Variants in ITGBL1 observed in about 807,000 individuals in gnomAD.
The protein encoded by ITGBL1 is integrin beta-like protein 1.
A neutral mutation model predicts 68.5 loss-of-function variants in ITGBL1; 51 were observed. That is an observed-to-expected ratio of 0.74 (90% CI 0.59 to 0.94). ITGBL1 has a LOEUF of 0.94. ITGBL1 is among the 40% of genes least tolerant of loss of function. The pLI is 0.00. For synonymous variants in ITGBL1, 209 were observed against 227.3 expected (o/e 0.92, Z 0.72); for missense variants, 649 against 647.4 (o/e 1.00, Z -0.03).
chr13:101,546,121 G>A (rs1003166895), intron 2 of ITGBL1, among the ~76,000 whole-genome samples: 2 of 152,166 alleles, frequency 1.3e-5, no homozygotes, highest in African/African-American at 4.8e-5. Context: ...AGTTCATGTA[G>A]TATGATTCCT....
rs1421221252 is a variant in ITGBL1 at position 101,600,058 on chromosome 13, C to A, written c.1015+1759C>A. ...GGCCATTTTCACGATATTGATTCTTCCTATCCATGAGCATGGAATGTTCTT... is the reference window on the plus strand; with the variant it reads ...GGCCATTTTCACGATATTGATTCTTACTATCCATGAGCATGGAATGTTCTT... On this transcript the variant is annotated intron_variant, in intron 7 of 10. Coordinates refer to ENST00000376180, the MANE Select transcript of ITGBL1 (RefSeq NM_004791.3). Among the ~76,000 whole-genome samples, 5 of 152,278 alleles carry A rather than the reference C, an allele frequency of 3.3e-5. No homozygotes were observed. The East Asian group carries it at 9.6e-4, about 29-fold the overall frequency.
At chr13:101,656,040 A>G (rs543318941) in intron 7 of ITGBL1, among the ~76,000 whole-genome samples, 59 of 152,256 alleles carry the variant, frequency 3.9e-4, no homozygotes, top group African/African-American at 1.3e-3. Context: ...AAGGTGGCAC[A>G]ACTCAAAACG....
chr13:101,463,743 A>C (rs558561102), intron 2 of ITGBL1, among the ~76,000 whole-genome samples: 1 of 152,162 alleles, frequency 6.6e-6, no homozygotes, highest in South Asian at 2.1e-4. Flanking sequence ...TTCAGTTGCA[A>C]AACTGCAGAA....
chr13:101,473,217 C>T (rs1019656934), intron 2 of ITGBL1, among the ~76,000 whole-genome samples: 5 of 152,110 alleles, frequency 3.3e-5, no homozygotes, highest in Non-Finnish European at 7.4e-5. Context: ...TCACAGTACC[C>T]GGTTTCAATA....
chr13:101,596,374 G>A (rs1001257693), intron 6 of ITGBL1, among the ~76,000 whole-genome samples: 1 of 152,170 alleles, frequency 6.6e-6, no homozygotes, highest in African/African-American at 2.4e-5. Context: ...GGTTACTATA[G>A]TTTGTAATAC....
intron 2 of ITGBL1, among the ~76,000 whole-genome samples, chr13:101,528,004 A>C (rs1251418970): frequency 2.6e-5 from 4 of 151,594 alleles, no homozygotes; most frequent in African/African-American, 9.7e-5. Flanking sequence ...TGAAGGTAAA[A>C]TGTTTATGGT....
At position 101,614,373 on chromosome 13, in the gene ITGBL1, A is replaced by G. The variant is rs984791633; in HGVS notation, c.1015+16074A>G. ...AATATTATTTAGTTCTGTTACCACA[A>G]CAGTACTAATTGTTTTCCATGTTGT... On this transcript the variant is annotated intron_variant, in intron 7 of 10. Transcript: ENST00000376180. 2.6e-5 allele frequency among the ~76,000 whole-genome samples: 4 copies of G among 152,294 alleles called. No individual in the cohort carries two copies. The South Asian group carries it at 6.2e-4, about 24-fold the overall frequency.
chr13:101,672,336 G>T lies in ITGBL1; in HGVS notation c.1016-20249G>T, dbSNP rs572446905. 2.6e-5 allele frequency among the ~76,000 whole-genome samples: 4 copies of T among 152,312 alleles called. No individual in the cohort carries two copies. In the East Asian group the frequency reaches 7.7e-4, roughly 29 times the overall value. On this transcript the variant is annotated intron_variant, in intron 7 of 10. Transcript: ENST00000376180. Reference sequence around the variant, plus strand: ...TTACTTAGGCAGATAGTGAGAATATGGGAGTCCTCAGTAAGGTTTTCCTTT... The same window carrying T: ...TTACTTAGGCAGATAGTGAGAATATTGGAGTCCTCAGTAAGGTTTTCCTTT...
chr13:101,652,179 T>A (rs2032774624), intron 7 of ITGBL1, among the ~76,000 whole-genome samples: 1 of 152,148 alleles, frequency 6.6e-6, no homozygotes, highest in South Asian at 2.1e-4. Flanking sequence ...AGAAGTCATG[T>A]CGCCCAGGCT....
chr13:101,699,493 C>T (rs2034081984), intron 8 of ITGBL1, among the ~76,000 whole-genome samples: 1 of 152,100 alleles, frequency 6.6e-6, no homozygotes, highest in Non-Finnish European at 1.5e-5. Flanking sequence ...CCATGTTATT[C>T]TCATGATAGT....
chr13:101,480,187 G>A (rs1372909479), intron 2 of ITGBL1, among the ~76,000 whole-genome samples: 1 of 151,962 alleles, frequency 6.6e-6, no homozygotes, highest in Non-Finnish European at 1.5e-5. Context: ...TGGAACTGGA[G>A]GACGTTATTT....
intron 2 of ITGBL1, among the ~76,000 whole-genome samples, chr13:101,554,738 C>T (rs1437502939): frequency 1.3e-5 from 2 of 152,212 alleles, no homozygotes; most frequent in Admixed American, 6.5e-5. Flanking sequence ...GTACTCCACC[C>T]CTCCTGGGGT....
intron 2 of ITGBL1, among the ~76,000 whole-genome samples, chr13:101,492,482 C>G (rs2048794045): frequency 6.6e-6 from 1 of 152,152 alleles, no homozygotes; most frequent in African/African-American, 2.4e-5. Context: ...TTGTAATTTA[C>G]AGTGGATACT....
rs554786725 is a variant in ITGBL1 at position 101,496,459 on chromosome 13, A to G, written c.316+42359A>G. On this transcript the variant is annotated intron_variant, in intron 2 of 10. Transcript: ENST00000376180. ...ATGATTTTAATATTTAACAATACAC[A>G]TAATTGTGCTTGTGCTTGCATGATA... Among the ~76,000 whole-genome samples the G allele has an allele frequency of 3.6e-4, 55 of 152,338 alleles. 1 individual carries two copies. The South Asian group carries it at 0.01, about 28-fold the overall frequency.
chr13:101,539,027 TTG>T lies in ITGBL1; in HGVS notation c.317-28671_317-28670del, dbSNP rs1332588157. 3.3e-5 allele frequency among the ~76,000 whole-genome samples: 5 copies of T among 151,058 alleles called. No homozygotes were observed. The East Asian group carries it at 9.7e-4, about 29-fold the overall frequency. On this transcript the variant is annotated intron_variant, in intron 2 of 10. Transcript: ENST00000376180. ...TGGTACGGTTGCGGAGTGTGTGACT[TTG>T]AGATTTATGCTGTGCTGCTTCTTTT...
intron 6 of ITGBL1, among the ~76,000 whole-genome samples, chr13:101,595,761 T>TA (rs2029925415): frequency 6.6e-6 from 1 of 152,148 alleles, no homozygotes; most frequent in Non-Finnish European, 1.5e-5. Flanking sequence ...TGTAAATTGA[T>TA]ACAGCCATTA....
intron 7 of ITGBL1, among the ~76,000 whole-genome samples, chr13:101,619,834 G>T (rs1035771134): frequency 6.6e-6 from 1 of 151,984 alleles, no homozygotes; most frequent in Non-Finnish European, 1.5e-5. Flanking sequence ...TCAACTATAG[G>T]CATAAACATA....
intron 2 of ITGBL1, among the ~76,000 whole-genome samples, chr13:101,465,919 G>C (rs1225239518): frequency 6.6e-6 from 1 of 152,150 alleles, no homozygotes; most frequent in East Asian, 1.9e-4. Context: ...GAGGATAGCG[G>C]TAACTGTAGA....
chr13:101,657,416 A>T (rs959942846), intron 7 of ITGBL1, among the ~76,000 whole-genome samples: 15 of 152,184 alleles, frequency 9.9e-5, no homozygotes, highest in African/African-American at 3.4e-4. Flanking sequence ...ATATACAGAG[A>T]GTATAAAATT....
Sources: gnomAD v4.1 joint callset for allele counts (sites outside exome capture counted in the v4.1 genomes callset) on GRCh38, gnomAD v4.1.1 for gene constraint, MANE v1.5 for transcripts, NCBI Gene and HGNC (gene_info 2026-07-23, HGNC 2026-07-21) for gene names.